Variants in CAST observed in about 807,000 individuals in gnomAD.
The protein encoded by CAST is MIR583 host.
Under a neutral mutation model 119.6 loss-of-function variants are expected in CAST, and 76 were observed. That is an observed-to-expected ratio of 0.64 (90% confidence interval 0.53 to 0.77). The LOEUF is 0.77. Ranked by LOEUF, CAST falls within the 30% of genes least tolerant of loss-of-function variation. CAST has a pLI of 0.00. For synonymous variants in CAST, 319 were observed against 331.6 expected, an observed-to-expected ratio of 0.96 and a Z score of 0.41; for missense variants, 953 against 946.5, an observed-to-expected ratio of 1.01 and a Z score of -0.09.
At chr5:96,543,523 T>C (rs1745954950) in intron 1 of CAST, among the ~76,000 whole-genome samples, 1 of 152,184 alleles carries the variant, frequency 6.6e-6, no homozygotes, top group South Asian at 2.1e-4. Context: ...ATTCTGCACA[T>C]GTACCCCGGA....
At chr5:96,369,829 A>G in the CAST span, among the ~76,000 whole-genome samples, 3 of 152,056 alleles carry the variant, frequency 2.0e-5, no homozygotes, top group African/African-American at 7.2e-5. Flanking sequence ...ATGACCCACT[A>G]TATTTTCATC....
At chr5:96,538,347 TATATC>T (rs1295881426) in intron 1 of CAST, among the ~76,000 whole-genome samples, 4 of 152,222 alleles carry the variant, frequency 2.6e-5, no homozygotes, top group Non-Finnish European at 5.9e-5. Context: ...ATATGATCCT[TATATC>T]ATACCTATCT....
In CAST at chr5:96,763,177, T is replaced by C. The variant is rs547418883; in HGVS notation, c.1932+805T>C. The C allele has an allele frequency of 6.8e-4, 529 of 780,708 alleles. 8 individuals are homozygous for C. In the South Asian group the frequency reaches 6.9e-3, roughly 10 times the overall value. The allele number at this position is 780,708 out of a possible 1,614,324, so 48.4% of individuals were successfully genotyped here. Reference sequence around the variant, plus strand: ...TAGCATCAAAGCATATTTAGTGCTGTAGTCTGAGATTCTGATGGATTTTCA... The same window carrying C: ...TAGCATCAAAGCATATTTAGTGCTGCAGTCTGAGATTCTGATGGATTTTCA... On this transcript the variant is annotated intron_variant, in intron 25 of 31. Coordinates refer to ENST00000675179, the MANE Select transcript of CAST (RefSeq NM_001750.7).
At chr5:96,667,947 G>A (rs1421314360) in intron 1 of CAST, among the ~76,000 whole-genome samples, 4 of 152,132 alleles carry the variant, frequency 2.6e-5, no homozygotes, top group East Asian at 1.9e-4. Context: ...CCCGCGAGGC[G>A]GAGCTTGCAG....
intron 3 of CAST, among the ~76,000 whole-genome samples, chr5:96,711,314 G>T (rs185720815): frequency 9.2e-5 from 14 of 152,166 alleles, no homozygotes; most frequent in Admixed American, 6.5e-4. Context: ...ATAAAACAAA[G>T]AAAAAGTTAA....
rs1746876337 is a variant in CAST, at chr5:96,587,237, A to C, written c.60+57357A>C. ...GCAAAATTGACTTTAAGAGCAACCC[A>C]TTACAGCCGCTCAGACCTTTGTCCC... On this transcript the variant is annotated intron_variant, in intron 1 of 11. Coordinates refer to the CAST transcript ENST00000505143. Among the ~76,000 whole-genome samples the C allele has an allele frequency of 2.0e-5, 3 of 152,216 alleles. No individual in the cohort carries two copies. The South Asian group carries it at 6.2e-4, about 31-fold the overall frequency.
intron 9 of CAST, among the ~76,000 whole-genome samples, chr5:96,733,068 G>T (rs1349013401): frequency 6.6e-6 from 1 of 152,110 alleles, no homozygotes; most frequent in Non-Finnish European, 1.5e-5. Flanking sequence ...TTTCCTTCTG[G>T]GATTTTGGGA....
chr5:96,355,172 C>T, the CAST span, among the ~76,000 whole-genome samples: 1 of 151,890 alleles, frequency 6.6e-6, no homozygotes, highest in Non-Finnish European at 1.5e-5. Flanking sequence ...TAATGCTATC[C>T]CTCCCCTAGC....
At chr5:96,381,633 T>C in the CAST span, among the ~76,000 whole-genome samples, 1 of 152,224 alleles carries the variant, frequency 6.6e-6, no homozygotes, top group South Asian at 2.1e-4. Context: ...CTTGAGTATT[T>C]CGCTCATGTG....
the CAST span, among the ~76,000 whole-genome samples, chr5:96,321,371 G>A: frequency 6.6e-6 from 1 of 152,156 alleles, no homozygotes; most frequent in African/African-American, 2.4e-5. Context: ...ATGGCTTCTG[G>A]TTGATAACCA....
At chr5:96,533,033 A>T (rs1580812942) in intron 1 of CAST, among the ~76,000 whole-genome samples, 3 of 128,810 alleles carry the variant, frequency 2.3e-5, no homozygotes, top group East Asian at 2.0e-4. Flanking sequence ...TCAAAAAAAA[A>T]AAAATAAAAA....
chr5:96,537,910 A>G (rs1462649442), intron 1 of CAST, among the ~76,000 whole-genome samples: 3 of 152,172 alleles, frequency 2.0e-5, no homozygotes, highest in African/African-American at 7.2e-5. Flanking sequence ...AGCATCCTTT[A>G]TATCCATATT....
rs184362765 is a variant in CAST, at chr5:96,550,676, T to C, written c.60+20796T>C. 9.3e-4 allele frequency among the ~76,000 whole-genome samples: 141 copies of C among 152,214 alleles called. 1 individual carries two copies. The highest frequency in any genetic ancestry group is 3.3e-3 in the African/African-American group (135 of 41,534). On this transcript the variant is annotated intron_variant, in intron 1 of 11. Transcript: ENST00000505143. ...GGAAGCTAAAAATCTTGAAAAAAGG[T>C]TAGACGAATGGCTAACTAGAATAGC... is the stretch of plus-strand genomic sequence containing the variant.
chr5:96,046,814 G>T, the CAST span, among the ~76,000 whole-genome samples: 1 of 152,180 alleles, frequency 6.6e-6, no homozygotes, highest in Admixed American at 6.5e-5. Context: ...GAGGTGAAAG[G>T]CACTTCTTAC....
the CAST span, among the ~76,000 whole-genome samples, chr5:96,369,781 T>C: frequency 6.6e-6 from 1 of 152,138 alleles, no homozygotes; most frequent in African/African-American, 2.4e-5. Context: ...TTTGTCTCTT[T>C]ATTCCGTTTT....
At chr5:96,484,918 G>C in the CAST span, among the ~76,000 whole-genome samples, 3 of 152,132 alleles carry the variant, frequency 2.0e-5, no homozygotes, top group Admixed American at 2.0e-4. Context: ...TAAGTGTAAA[G>C]TTCACTCCCA....
At chr5:96,609,533 C>T (rs1406560029) in intron 1 of CAST, among the ~76,000 whole-genome samples, 1 of 152,160 alleles carries the variant, frequency 6.6e-6, no homozygotes, top group Non-Finnish European at 1.5e-5. Flanking sequence ...CCAACAATGC[C>T]AATGCTCTTG....
intron 5 of CAST, 98 bp downstream of exon 5, chr5:96,726,957 C>T: frequency 1.2e-6 from 1 of 808,736 alleles, no homozygotes; most frequent in African/African-American, 1.7e-5. Flanking sequence ...CTTCTGTTAA[C>T]ACTGAGATCC....
intron 1 of CAST, among the ~76,000 whole-genome samples, chr5:96,673,629 G>A (rs947693564): frequency 1.3e-5 from 2 of 152,150 alleles, no homozygotes; most frequent in East Asian, 1.9e-4. Context: ...TAAGGTATCC[G>A]AGGACAGAGA....
Sources: gnomAD v4.1 joint callset for allele counts (sites outside exome capture counted in the v4.1 genomes callset) on GRCh38, gnomAD v4.1.1 for gene constraint, MANE v1.5 for transcripts, NCBI Gene and HGNC (gene_info 2026-07-23, HGNC 2026-07-21) for gene names.